The following CNOT1 variants were observed in gnomAD, a reference collection of about 807,000 sequenced individuals.
CNOT1 encodes the protein CCR4-associated factor 1.
CNOT1 carries 15 observed loss-of-function variants against 273.8 expected under a neutral mutation model. The observed-to-expected ratio is 0.05, with a 90% CI of 0.04 to 0.08. CNOT1 has a LOEUF of 0.08. Among genes scored for constraint, CNOT1 ranks in the 10% least tolerant of loss-of-function variants. CNOT1 has a pLI of 1.00. For missense variants in CNOT1, 1,644 were observed against 2,912.2 expected (o/e 0.56, Z 10.02); for synonymous variants, 1,022 against 1,005.5 (o/e 1.02, Z -0.31).
intron 16 of CNOT1, among the ~76,000 whole-genome samples, chr16:58,574,284 G>C (rs1025937584): frequency 6.6e-6 from 1 of 151,696 alleles, no homozygotes; most frequent in Non-Finnish European, 1.5e-5. Context: ...TTAAAAGAGA[G>C]AGACCACAAA....
intron 33 of CNOT1, 63 bp downstream of exon 33, chr16:58,542,168 T>C: frequency 6.3e-7 from 1 of 1,586,584 alleles, no homozygotes; most frequent in Non-Finnish European, 8.6e-7. Context: ...AGGAGTTCAA[T>C]CAACAACAAC....
intron 10 of CNOT1, 121 bp downstream of exon 10, chr16:58,582,672 T>C (rs1597506236): frequency 1.5e-6 from 1 of 661,270 alleles, no homozygotes. Flanking sequence ...CAGTACACAA[T>C]TAACTTGGAC....
chr16:58,553,863 G>A lies in CNOT1; in HGVS notation c.2892-3C>T. 1 of 1,604,296 alleles carries A rather than the reference G, an allele frequency of 6.2e-7. No homozygotes were observed. ...AATACTGGGGATAGTCCTTCAATCTGCCAACAAAATTATTCTACCATCATT... is the reference window on the plus strand; with the variant it reads ...AATACTGGGGATAGTCCTTCAATCTACCAACAAAATTATTCTACCATCATT... On this transcript the variant is annotated splice_region_variant and splice_polypyrimidine_tract_variant and intron_variant, in intron 21 of 48. Coordinates refer to ENST00000317147, the MANE Select transcript of CNOT1 (RefSeq NM_016284.5).
chr16:58,547,325 G>T lies in CNOT1; in HGVS notation c.3640-29C>A. On this transcript the variant is annotated intron_variant, in intron 26 of 48. Transcript: ENST00000317147. The surrounding 1 kb of genome is among the most constrained non-coding windows in gnomAD (Gnocchi z 4.0). ...GAATAAGAAAAATACTTTCAAAAGC[G>T]GGGAATATACCCCCCAAAATGGTAT... 6.2e-7 allele frequency: 1 copy of T among 1,610,778 alleles called. No individual in the cohort carries two copies. Among genetic ancestry groups the T allele is most frequent in the South Asian group, 1.1e-5 (1 of 90,060 alleles).
Position 58,536,823 on chromosome 16 carries a change from A to G in CNOT1, c.5646+166T>C, listed in dbSNP as rs563389372. Reference sequence around the variant, plus strand: ...TGCCTTTACTGCTTAGTGATCAACCATGAGAAAACAGGCTGTAATTTAACC... The same window carrying G: ...TGCCTTTACTGCTTAGTGATCAACCGTGAGAAAACAGGCTGTAATTTAACC... On this transcript the variant is annotated intron_variant, in intron 39 of 48. Coordinates refer to ENST00000317147, the MANE Select transcript of CNOT1 (RefSeq NM_016284.5). 83 of 1,185,756 alleles carry G rather than the reference A, an allele frequency of 7.0e-5. No individual in the cohort carries two copies. In the South Asian group the frequency reaches 1.3e-3, roughly 18 times the overall value. 73.5% of individuals were successfully genotyped at this position (1,185,756 alleles called of 1,614,324 possible).
At chr16:58,537,847 A>G (rs2151911509) in intron 38 of CNOT1, 44 bp downstream of exon 38, 1 of 1,607,424 alleles carries the variant, frequency 6.2e-7, no homozygotes, top group Non-Finnish European at 8.5e-7. Context: ...AAGATATTAG[A>G]AGACTACTAA....
intron 1 of CNOT1, among the ~76,000 whole-genome samples, chr16:58,621,654 C>T (rs1287137647): frequency 4.6e-5 from 7 of 150,998 alleles, no homozygotes; most frequent in African/African-American, 1.2e-4. Flanking sequence ...CATGGTGGCT[C>T]ACACCTGTAA....
intron 8 of CNOT1, 67 bp downstream of exon 8, chr16:58,585,271 T>TTA: frequency 6.3e-7 from 1 of 1,584,546 alleles, no homozygotes; most frequent in Non-Finnish European, 8.5e-7. Context: ...TTTAGAGACT[T>TTA]TTTTTAAAGA....
intron 1 of CNOT1, among the ~76,000 whole-genome samples, chr16:58,618,481 C>T (rs759185182): frequency 6.6e-6 from 1 of 151,978 alleles, no homozygotes; most frequent in Non-Finnish European, 1.5e-5. Flanking sequence ...ACTTGGGAGG[C>T]TGAGGCAGGA....
Position 58,524,240 on chromosome 16 carries a change from ACT to A in CNOT1, c.6785-740_6785-739del, listed in dbSNP as rs1182411300. Among the ~76,000 whole-genome samples, 31 of 117,256 alleles carry A rather than the reference ACT, an allele frequency of 2.6e-4. 1 individual carries two copies. The Admixed American group carries it at 3.2e-3, about 12-fold the overall frequency. The allele number at this position is 117,256 out of a possible 152,430, so 76.9% of individuals were successfully genotyped here. ...CTTCTAGCCTGGGTGTGAGAGCAAG[ACT>A]CTATCGCAAAAAAAAAAAAAAAAAA... On this transcript the variant is annotated intron_variant, in intron 46 of 48. Coordinates refer to ENST00000317147, the MANE Select transcript of CNOT1 (RefSeq NM_016284.5).
intron 2 of CNOT1, among the ~76,000 whole-genome samples, chr16:58,595,134 A>T (rs2042209073): frequency 6.6e-6 from 1 of 151,966 alleles, no homozygotes; most frequent in South Asian, 2.1e-4. Context: ...AAAAAAGGTG[A>T]ATTTTACAAC....
At chr16:58,624,931 G>C (rs2043500082) in intron 1 of CNOT1, 1 of 151,768 alleles carries the variant, frequency 6.6e-6, no homozygotes, top group Admixed American at 6.6e-5. Context: ...TTGCAAATTT[G>C]AGTGAAAAGT....
Position 58,547,546 on chromosome 16 carries a change from C to G in CNOT1, c.3639+20G>C. On this transcript the variant is annotated intron_variant, in intron 26 of 48. Coordinates refer to ENST00000317147, the MANE Select transcript of CNOT1 (RefSeq NM_016284.5). The surrounding 1 kb of genome is among the most constrained non-coding windows in gnomAD (Gnocchi z 4.0). ...ATGTGCTGAAGATTCTCAATTTTTA[C>G]ACATTTAGATGAAACTCACAGTGTG... 1 of 1,592,854 alleles carries G rather than the reference C, an allele frequency of 6.3e-7. No individual in the cohort carries two copies. Among genetic ancestry groups the G allele is most frequent in the Non-Finnish European group, 8.6e-7 (1 of 1,168,874 alleles).
chr16:58,583,823 G>A (rs1351405009), intron 8 of CNOT1, among the ~76,000 whole-genome samples: 2 of 151,852 alleles, frequency 1.3e-5, no homozygotes, highest in Non-Finnish European at 2.9e-5. Context: ...ACAGGCATGA[G>A]CCACAATGCC....
chr16:58,522,888 C>T (rs1219624712), intron 47 of CNOT1: 1 of 152,342 alleles, frequency 6.6e-6, no homozygotes, highest in Non-Finnish European at 1.5e-5. Context: ...ATTAAGAGGG[C>T]AGGAACCATC....
At chr16:58,598,440 G>A (rs1017747910) in intron 2 of CNOT1, among the ~76,000 whole-genome samples, 5 of 150,718 alleles carry the variant, frequency 3.3e-5, no homozygotes, top group African/African-American at 1.2e-4. Flanking sequence ...GTGGTGGTGG[G>A]CGCCTGTAGT....
At chr16:58,597,614 C>T in intron 2 of CNOT1, 1 of 404,232 alleles carries the variant, frequency 2.5e-6, no homozygotes, top group East Asian at 6.7e-5. Context: ...GCACTTTGAT[C>T]TGTAAGCAAT....
intron 1 of CNOT1, among the ~76,000 whole-genome samples, chr16:58,627,945 A>G (rs2043653540): frequency 6.6e-6 from 1 of 152,148 alleles, no homozygotes; most frequent in Non-Finnish European, 1.5e-5. Context: ...CTCCTGCCTC[A>G]GCCTCCCAAG....
intron 1 of CNOT1, among the ~76,000 whole-genome samples, chr16:58,608,480 G>A (rs8045205): frequency 0.34 from 51,145 of 150,840 alleles, 10,042 homozygotes; most frequent in Non-Finnish European, 0.45. Flanking sequence ...GTTGAGCCTG[G>A]GAGGCTGAGG....
Sources: allele counts gnomAD v4.1 joint callset (sites outside exome capture counted in the v4.1 genomes callset), GRCh38; gene constraint gnomAD v4.1.1; non-coding constraint Gnocchi (gnomAD v3.1); transcripts MANE v1.5; gene names NCBI Gene and HGNC (gene_info 2026-07-23, HGNC 2026-07-21).